NRG2: variants seen among roughly 807,000 people sequenced by gnomAD.
NRG2 encodes pro-neuregulin-2, membrane-bound isoform.
A neutral mutation model predicts 73.9 loss-of-function variants in NRG2; 27 were observed. The ratio of observed to expected loss-of-function variants is 0.37; its 90% CI spans 0.27 to 0.50. The LOEUF (loss-of-function observed/expected upper bound fraction) is 0.50. Among genes scored for constraint, NRG2 ranks in the 20% least tolerant of loss-of-function variants. The probability of loss-of-function intolerance (pLI) is 0.96; values close to 1 mark genes in which losing one functional copy is unlikely to be tolerated. For synonymous variants in NRG2, 532 were observed against 541.0 expected (o/e 0.98, Z 0.23); for missense variants, 1,126 against 1,210.1 (o/e 0.93, Z 1.03).
intron 1 of NRG2, among the ~76,000 whole-genome samples, chr5:139,898,564 C>T (rs189911956): frequency 3.6e-4 from 55 of 152,346 alleles, no homozygotes; most frequent in Admixed American, 1.6e-3. Flanking sequence ...TTGCAGCTGG[C>T]GAGCTATCCC....
Position 139,916,280 on chromosome 5 carries a change from C to T in NRG2, c.701-28769G>A, listed in dbSNP as rs75792513. Among the ~76,000 whole-genome samples, 809 of 152,280 alleles carry T rather than the reference C, an allele frequency of 5.3e-3. 7 individuals carry two copies. Among genetic ancestry groups the T allele is most frequent in the African/African-American group, 0.018 (734 of 41,544 alleles). On this transcript the variant is annotated intron_variant, in intron 1 of 9. Coordinates refer to ENST00000361474, the MANE Select transcript of NRG2 (RefSeq NM_004883.3). ...GGCAGACGGTATATGAAGCACACTTCGAGAAAACTGGTCCCAGAGAATCCA... is the reference window on the plus strand; with the variant it reads ...GGCAGACGGTATATGAAGCACACTTTGAGAAAACTGGTCCCAGAGAATCCA...
Position 140,025,293 on chromosome 5 carries a change from G to A in NRG2, c.700+17077C>T, listed in dbSNP as rs531366924. Among the ~76,000 whole-genome samples, 419 of 152,190 alleles carry A rather than the reference G, an allele frequency of 2.8e-3. 1 individual carries two copies. Among genetic ancestry groups the A allele is most frequent in the Non-Finnish European group, 4.7e-3 (321 of 68,002 alleles). On this transcript the variant is annotated intron_variant, in intron 1 of 9. Coordinates refer to ENST00000361474, the MANE Select transcript of NRG2 (RefSeq NM_004883.3). ...CTGCCATCTCTGTAACACAGCAGAA[G>A]GCTCTAAGTATCAAGAGGGCCCTGG...
At chr5:139,956,055 C>A (rs1182897328) in intron 1 of NRG2, among the ~76,000 whole-genome samples, 1 of 152,142 alleles carries the variant, frequency 6.6e-6, no homozygotes, top group Non-Finnish European at 1.5e-5. Flanking sequence ...GAAGGTGGGA[C>A]CCCCTGTGGG....
chr5:139,912,086 A>G lies in NRG2; in HGVS notation c.701-24575T>C, dbSNP rs143455838. On this transcript the variant is annotated intron_variant, in intron 1 of 9. Coordinates refer to ENST00000361474, the MANE Select transcript of NRG2 (RefSeq NM_004883.3). ...GGTAATGAGTGGCCCACCCTCTTGGATGGAATTTGCTCACATCTCTCTATC... is the reference window on the plus strand; with the variant it reads ...GGTAATGAGTGGCCCACCCTCTTGGGTGGAATTTGCTCACATCTCTCTATC... 3.9e-4 allele frequency among the ~76,000 whole-genome samples: 59 copies of G among 152,144 alleles called. 1 individual carries two copies. The highest frequency in any genetic ancestry group is 3.4e-3 in the Middle Eastern group (1 of 294).
chr5:139,906,249 G>A (rs369121063), intron 1 of NRG2, among the ~76,000 whole-genome samples: 1 of 151,898 alleles, frequency 6.6e-6, no homozygotes, highest in Non-Finnish European at 1.5e-5. Context: ...CTCCTGATCC[G>A]CCTGCCTCAG....
At chr5:139,878,378 CA>C (rs1763314942) in intron 3 of NRG2, among the ~76,000 whole-genome samples, 1 of 152,354 alleles carries the variant, frequency 6.6e-6, no homozygotes, top group African/African-American at 2.4e-5. Flanking sequence ...GACACAGAGA[CA>C]AAGCCATCTC....
intron 1 of NRG2, among the ~76,000 whole-genome samples, chr5:139,911,541 G>A (rs892098600): frequency 3.9e-5 from 6 of 152,246 alleles, no homozygotes; most frequent in Non-Finnish European, 8.8e-5. Context: ...TAGGCTGGGA[G>A]AGGCAGTCAG....
chr5:139,958,617 C>T (rs752764451), intron 1 of NRG2, among the ~76,000 whole-genome samples: 1 of 152,052 alleles, frequency 6.6e-6, no homozygotes, highest in African/African-American at 2.4e-5. Context: ...CTGCTCTAGG[C>T]CATGACCAAA....
intron 1 of NRG2, among the ~76,000 whole-genome samples, chr5:139,984,495 T>C (rs1208033523): frequency 2.0e-5 from 3 of 152,360 alleles, no homozygotes; most frequent in African/African-American, 7.2e-5. Flanking sequence ...CCAATTTTAG[T>C]ATATGTGCTG....
At chr5:139,873,096 C>T (rs1043258740) in intron 3 of NRG2, among the ~76,000 whole-genome samples, 5 of 152,164 alleles carry the variant, frequency 3.3e-5, no homozygotes, top group Admixed American at 1.3e-4. Flanking sequence ...TGTGGGGAGA[C>T]GGATGGAGCA....
In NRG2 at chr5:139,851,834, G is replaced by T; in HGVS notation, c.1545-3C>A. On this transcript the variant is annotated splice_polypyrimidine_tract_variant and splice_region_variant and intron_variant, in intron 8 of 9. Transcript: ENST00000361474. This position sits in a 1 kb window ranked among gnomAD's most constrained non-coding sequence, Gnocchi z 4.2. ...GGCTCCACGTGTGGCTCTCGTGTCT[G>T]GGAAGGCCAGATGGGGTGAGACGAG... is the stretch of plus-strand genomic sequence containing the variant. 1.2e-6 allele frequency: 2 copies of T among 1,613,894 alleles called. No individual in the cohort carries two copies. The highest frequency in any genetic ancestry group is 1.7e-6 in the Non-Finnish European group (2 of 1,179,858).
At chr5:139,916,831 G>A (rs1037404595) in intron 1 of NRG2, among the ~76,000 whole-genome samples, 5 of 151,884 alleles carry the variant, frequency 3.3e-5, no homozygotes, top group South Asian at 2.1e-4. Flanking sequence ...TCTACTTTTC[G>A]GCTATTACAA....
chr5:139,953,734 G>T (rs1754408845), intron 1 of NRG2, among the ~76,000 whole-genome samples: 1 of 152,194 alleles, frequency 6.6e-6, no homozygotes, highest in South Asian at 2.1e-4. Context: ...TCGTAGGAGG[G>T]CCCCAGCCCG....
intron 1 of NRG2, among the ~76,000 whole-genome samples, chr5:139,953,284 G>A (rs1452035447): frequency 6.6e-6 from 1 of 152,174 alleles, no homozygotes. Flanking sequence ...GACTGGGGCT[G>A]AAGGGTTAAC....
intron 1 of NRG2, among the ~76,000 whole-genome samples, chr5:139,907,791 T>A (rs1164783106): frequency 6.6e-6 from 1 of 151,874 alleles, no homozygotes; most frequent in Admixed American, 6.5e-5. Context: ...AGATTCCAGA[T>A]GAGTGGGATA....
intron 1 of NRG2, among the ~76,000 whole-genome samples, chr5:139,960,066 C>T (rs1754941840): frequency 6.6e-6 from 1 of 152,310 alleles, no homozygotes; most frequent in Admixed American, 6.5e-5. Context: ...GGCAAGGTTC[C>T]TGGGAATTCA....
At chr5:139,896,511 G>T (rs1764550271) in intron 1 of NRG2, among the ~76,000 whole-genome samples, 1 of 152,168 alleles carries the variant, frequency 6.6e-6, no homozygotes. Flanking sequence ...GTCCTGGCTA[G>T]TGAGGGCAAG....
At position 139,865,306 on chromosome 5, in the gene NRG2, C is replaced by T. The variant is rs1363947315; in HGVS notation, c.1189+243G>A. ...GTTACCATTTGTATTGGCCTTGCCA[C>T]TCTGCCCCTTACCTGCAGCCCTGAA... is the stretch of plus-strand genomic sequence containing the variant. On this transcript the variant is annotated intron_variant, in intron 5 of 9. Coordinates refer to ENST00000361474, the MANE Select transcript of NRG2 (RefSeq NM_004883.3). This position sits in a 1 kb window ranked among gnomAD's most constrained non-coding sequence, Gnocchi z 5.2. 1.2e-5 allele frequency: 10 copies of T among 809,356 alleles called. No homozygotes were observed. The highest frequency in any genetic ancestry group is 2.1e-5 in the Non-Finnish European group (10 of 468,924). The allele number at this position is 809,356 out of a possible 1,614,324, so 50.1% of individuals were successfully genotyped here. A position where few individuals can be genotyped will look rare whatever the true frequency, so the allele number is the denominator to read the frequency against.
chr5:139,971,571 C>T (rs568969623), intron 1 of NRG2, among the ~76,000 whole-genome samples: 2 of 152,270 alleles, frequency 1.3e-5, no homozygotes, highest in Non-Finnish European at 2.9e-5. Context: ...AGACAGCATG[C>T]TTGCCTTCCA....
Sources: allele counts gnomAD v4.1 joint callset (sites outside exome capture counted in the v4.1 genomes callset), GRCh38; gene constraint gnomAD v4.1.1; non-coding constraint Gnocchi (gnomAD v3.1); transcripts MANE v1.5; gene names NCBI Gene and HGNC (gene_info 2026-07-23, HGNC 2026-07-21).